Variants in NXPE1 observed in about 807,000 individuals in gnomAD.
The protein encoded by NXPE1 is NXPE family member 1.
In NXPE1, 31 loss-of-function variants were observed where a neutral mutation model predicts 33.3. The observed-to-expected ratio is 0.93, with a 90% CI of 0.70 to 1.26. The LOEUF (loss-of-function observed/expected upper bound fraction) is 1.26, where lower values mean the gene tolerates loss of function less well. Ranked by LOEUF, NXPE1 falls within the 50% of genes most tolerant of loss-of-function variation. The probability of loss-of-function intolerance (pLI) is 0.00; values close to 1 mark genes in which losing one functional copy is unlikely to be tolerated. For missense variants in NXPE1, 661 were observed against 655.6 expected, an observed-to-expected ratio of 1.01 and a Z score of -0.09; for synonymous variants, 229 against 231.4, an observed-to-expected ratio of 0.99 and a Z score of 0.09.
At chr11:114,545,644 C>T (rs146692255) in intron 5 of NXPE1, among the ~76,000 whole-genome samples, 325 of 151,082 alleles carry the variant, frequency 2.2e-3, no homozygotes, top group African/African-American at 7.3e-3. Context: ...GTTGTGTATA[C>T]ATGAAACTGC....
In NXPE1 at chr11:114,523,110, G is replaced by T; in HGVS notation, c.896-19C>A. 6.3e-7 allele frequency: 1 copy of T among 1,576,088 alleles called. No homozygotes were observed. The highest frequency in any genetic ancestry group is 1.1e-5 in the South Asian group (1 of 89,798). The stretch of plus-strand genomic sequence containing the variant: ...TCTCTCTCTGGTAACAAAGACACTC[G>T]TAAATGATTTTATTGGCAAAACTTA... On this transcript the variant is annotated intron_variant, in intron 7 of 8. Coordinates refer to ENST00000534921, the Ensembl canonical transcript of NXPE1.
At chr11:114,522,405 A>G in exon 9 of NXPE1, 1 of 1,614,082 alleles carries the variant, frequency 6.2e-7, no homozygotes, top group Non-Finnish European at 8.5e-7. Flanking sequence ...ACGAAGGGAT[A>G]GCTATGTTTT....
intron 7 of NXPE1, 52 bp downstream of exon 7, chr11:114,527,788 C>T: frequency 7.9e-7 from 1 of 1,268,648 alleles, no homozygotes; most frequent in Middle Eastern, 1.9e-4. Context: ...TAGGTTAATG[C>T]TGATAAAAGT....
At chr11:114,525,614 C>T (rs1947345313) in intron 7 of NXPE1, among the ~76,000 whole-genome samples, 1 of 152,164 alleles carries the variant, frequency 6.6e-6, no homozygotes, top group Non-Finnish European at 1.5e-5. Flanking sequence ...TTTGTAAGTG[C>T]CTGTTTTTCC....
At chr11:114,522,812 A>G in intron 8 of NXPE1, 67 bp downstream of exon 8, 2 of 1,131,706 alleles carry the variant, frequency 1.8e-6, no homozygotes, top group Non-Finnish European at 2.7e-6. Flanking sequence ...ACGAGAGAAT[A>G]GAGACCTCAT....
At chr11:114,519,146 T>C (rs1947147859), downstream of NXPE1, among the ~76,000 whole-genome samples, 1 of 152,356 alleles carries the variant, frequency 6.6e-6, no homozygotes, top group South Asian at 2.1e-4. Flanking sequence ...GCCTTTTATA[T>C]GACAAATGTT....
chr11:114,539,057 G>A (rs1313036671), intron 5 of NXPE1, among the ~76,000 whole-genome samples: 1 of 152,060 alleles, frequency 6.6e-6, no homozygotes, highest in African/African-American at 2.4e-5. Flanking sequence ...ATGATAGACT[G>A]GATTAAGAAA....
chr11:114,519,960 C>CA, downstream of NXPE1, among the ~76,000 whole-genome samples: 2 of 149,172 alleles, frequency 1.3e-5, no homozygotes, highest in African/African-American at 5.1e-5. Context: ...GGTGCCATCT[C>CA]GGCGAGCTTG....
At chr11:114,534,966 C>T (rs367731192) in intron 5 of NXPE1, among the ~76,000 whole-genome samples, 18 of 151,988 alleles carry the variant, frequency 1.2e-4, no homozygotes, top group South Asian at 1.0e-3. Context: ...AGCAACTCCA[C>T]GACACATAAT....
At chr11:114,558,326 G>A (rs569302100) in intron 1 of NXPE1, among the ~76,000 whole-genome samples, 1 of 152,050 alleles carries the variant, frequency 6.6e-6, no homozygotes, top group East Asian at 1.9e-4. Flanking sequence ...TTTTAATAGT[G>A]CTTTTATATA....
downstream of NXPE1, among the ~76,000 whole-genome samples, chr11:114,520,851 T>G (rs559627592): frequency 6.6e-6 from 1 of 152,314 alleles, no homozygotes; most frequent in East Asian, 1.9e-4. Flanking sequence ...ATAGGTGGTG[T>G]TGTATACTTT....
chr11:114,530,451 C>A, exon 6 of NXPE1: 2 of 1,614,238 alleles, frequency 1.2e-6, no homozygotes, highest in African/African-American at 1.3e-5. Context: ...CGCCCCTTCA[C>A]TGGGGTGGAT....
intron 1 of NXPE1, chr11:114,554,431 T>A (rs1473034107): frequency 3.1e-6 from 3 of 956,510 alleles, no homozygotes; most frequent in East Asian, 2.3e-4. Context: ...ACATTCTTTG[T>A]GACATGGGCC....
At chr11:114,529,408 T>C (rs1258230969) in intron 6 of NXPE1, 1 of 152,258 alleles carries the variant, frequency 6.6e-6, no homozygotes, top group Non-Finnish European at 1.5e-5. Flanking sequence ...TGATGTTTCA[T>C]TCTAATCAAC....
chr11:114,522,011 A>T (rs757657754), exon 9 of NXPE1: 1 of 1,613,766 alleles, frequency 6.2e-7, no homozygotes, highest in Admixed American at 1.7e-5. Flanking sequence ...ATTTCCAATC[A>T]CATGATCAGG....
chr11:114,524,244 A>G (rs1029882520), intron 7 of NXPE1, among the ~76,000 whole-genome samples: 13 of 146,272 alleles, frequency 8.9e-5, no homozygotes, highest in African/African-American at 3.4e-4. Flanking sequence ...AACTAGATAT[A>G]AGAAAGGATA....
At chr11:114,548,762 A>G (rs1445205832) in intron 5 of NXPE1, among the ~76,000 whole-genome samples, 2 of 151,980 alleles carry the variant, frequency 1.3e-5, no homozygotes, top group Non-Finnish European at 2.9e-5. Context: ...AGGAAAACAG[A>G]GTAAATCAAA....
At chr11:114,557,630 AATACATATATAT>A (rs1446288057) in intron 1 of NXPE1, among the ~76,000 whole-genome samples, 12 of 76,994 alleles carry the variant, frequency 1.6e-4, no homozygotes, top group African/African-American at 4.9e-4. Flanking sequence ...TATTATATAT[AATACATATATAT>A]ATATATATAT....
chr11:114,555,247 G>A (rs11215054), intron 1 of NXPE1, among the ~76,000 whole-genome samples: 20,256 of 151,406 alleles, frequency 0.13, 1,478 homozygotes, highest in South Asian at 0.23. Flanking sequence ...TTTTTGAGAT[G>A]GAGTCTTGCT....
Sources: allele counts gnomAD v4.1 joint callset (sites outside exome capture counted in the v4.1 genomes callset), GRCh38; gene constraint gnomAD v4.1.1; transcripts MANE v1.5; gene names NCBI Gene and HGNC (gene_info 2026-07-23, HGNC 2026-07-21).